The following SLC22A25 variants were observed in gnomAD, a reference collection of about 807,000 sequenced individuals.
SLC22A25 encodes the protein MGI:2442751, MGI:2385316, MGI:3042283, MGI:3645714, MGI:3605624, MGI:2442750.
Under a neutral mutation model 45.9 loss-of-function variants are expected in SLC22A25, and 44 were observed. The ratio of observed to expected loss-of-function variants is 0.96; its 90% CI spans 0.75 to 1.23. SLC22A25 has a LOEUF of 1.23. Ranked by LOEUF, SLC22A25 falls within the 50% of genes most tolerant of loss-of-function variation. SLC22A25 has a pLI of 0.00. For synonymous variants in SLC22A25, 283 were observed against 238.6 expected (o/e 1.19, Z -1.72); for missense variants, 800 against 666.4 (o/e 1.20, Z -2.21).
chr11:63,167,575 T>C (rs112305830), intron 9 of SLC22A25: 4,813 of 152,554 alleles, frequency 0.032, 261 homozygotes, highest in African/African-American at 0.11. Context: ...TGGAACTTAC[T>C]GCAGTGCTGC....
At chr11:63,242,126 A>C (rs757065396) in intron 1 of SLC22A25, among the ~76,000 whole-genome samples, 15 of 152,246 alleles carry the variant, frequency 9.9e-5, no homozygotes, top group Non-Finnish European at 2.2e-4. Context: ...GGGCAGAAAC[A>C]CTGCTAGTTG....
intron 7 of SLC22A25, among the ~76,000 whole-genome samples, chr11:63,206,985 C>T (rs559268478): frequency 2.0e-5 from 3 of 152,292 alleles, no homozygotes; most frequent in Admixed American, 1.3e-4. Context: ...CACACATCCA[C>T]AACCATCTGA....
At chr11:63,231,104 T>C (rs1394543084) in intron 3 of SLC22A25, among the ~76,000 whole-genome samples, 1 of 152,238 alleles carries the variant, frequency 6.6e-6, no homozygotes, top group African/African-American at 2.4e-5. Context: ...AGTGCCACAA[T>C]AAACATACAT....
intron 9 of SLC22A25, among the ~76,000 whole-genome samples, chr11:63,170,116 A>G (rs1333896373): frequency 1.3e-5 from 2 of 152,244 alleles, no homozygotes. Flanking sequence ...TTTGAAACGA[A>G]TGAGAACAAA....
At position 63,230,919 on chromosome 11, in the gene SLC22A25, A is replaced by C. The variant is rs570468795; in HGVS notation, c.-444-823T>G. Among the ~76,000 whole-genome samples the C allele has an allele frequency of 7.9e-5, 12 of 151,790 alleles. No homozygotes were observed. In the East Asian group the frequency reaches 2.3e-3, roughly 30 times the overall value. ...TGCGGTGTTTGGTTTTTTGTCCTTG[A>C]GATAGTTGGTTGAGAAGGATGGTTT... is the stretch of plus-strand genomic sequence containing the variant. On this transcript the variant is annotated intron_variant, in intron 3 of 11. Coordinates refer to ENST00000306494, the MANE Select transcript of SLC22A25 (RefSeq NM_199352.6).
chr11:63,228,562 C>G lies in SLC22A25; in HGVS notation c.405G>C (p.Trp135Cys). ...GTGGTTGAGATTCGCATACCAGATCCCACTGGAAGAAAAGGAAACCCTCAT... is the reference window on the plus strand; with the variant it reads ...GTGGTTGAGATTCGCATACCAGATCGCACTGGAAGAAAAGGAAACCCTCAT... The part of the protein sequence containing the change: ...SSFPSTIVTK[W>C]DLVCESQPLN... The change falls in exon 5 of 12, where the codon TGG (tryptophan) becomes TGC (cysteine). Residue 135 changes from tryptophan (W) to cysteine (C), a missense_variant and splice_region_variant. Trp to Cys is a radical substitution (Grantham distance 215). Transcript: ENST00000306494. 1 of 1,611,580 alleles carries G rather than the reference C, an allele frequency of 6.2e-7. No homozygotes were observed. The highest frequency in any genetic ancestry group is 1.3e-5 in the African/African-American group (1 of 74,804).
At chr11:63,194,504 A>T (rs1237003085) in intron 7 of SLC22A25, among the ~76,000 whole-genome samples, 1 of 152,114 alleles carries the variant, frequency 6.6e-6, no homozygotes, top group Non-Finnish European at 1.5e-5. Flanking sequence ...CTTTACACAC[A>T]AGCAAATGCT....
intron 7 of SLC22A25, among the ~76,000 whole-genome samples, chr11:63,190,444 G>A (rs979795561): frequency 2.0e-5 from 3 of 151,992 alleles, no homozygotes; most frequent in Non-Finnish European, 2.9e-5. Context: ...TTAGCCATTC[G>A]TCTAATTTTT....
intron 3 of SLC22A25, among the ~76,000 whole-genome samples, chr11:63,236,178 A>G (rs920946935): frequency 6.6e-6 from 1 of 152,192 alleles, no homozygotes; most frequent in East Asian, 1.9e-4. Context: ...GCTGTCAGAC[A>G]GGGACATTTA....
In SLC22A25 at chr11:63,213,040, A is replaced by G. The variant is rs116126618; in HGVS notation, c.830+4274T>C. On this transcript the variant is annotated intron_variant, in intron 7 of 11. Transcript: ENST00000306494. Reference sequence around the variant, plus strand: ...TCTGTTTTTGAGAGGTTGGATATCTATGATTCATGGTATCCCAAGGCCAGC... The same window carrying G: ...TCTGTTTTTGAGAGGTTGGATATCTGTGATTCATGGTATCCCAAGGCCAGC... Among the ~76,000 whole-genome samples the G allele has an allele frequency of 4.1e-3, 619 of 152,308 alleles. 5 individuals are homozygous for G. Among genetic ancestry groups the G allele is most frequent in the African/African-American group, 0.015 (603 of 41,570 alleles).
rs575898825 is a variant in SLC22A25 at position 63,188,738 on chromosome 11, A to G, written c.831-4921T>C. Among the ~76,000 whole-genome samples, 26 of 152,142 alleles carry G rather than the reference A, an allele frequency of 1.7e-4. No homozygotes were observed. In the South Asian group the frequency reaches 5.2e-3, roughly 30 times the overall value. ...TTGAATGCGTCCCAGAGATTCTGGT[A>G]TGTTGTGTCTTTGTTCTCGTTGGCT... On this transcript the variant is annotated intron_variant, in intron 7 of 11. Coordinates refer to ENST00000306494, the MANE Select transcript of SLC22A25 (RefSeq NM_199352.6).
chr11:63,183,574 G>T, intron 8 of SLC22A25, 120 bp downstream of exon 8: 1 of 1,273,912 alleles, frequency 7.8e-7, no homozygotes, highest in Non-Finnish European at 1.1e-6. Context: ...TGATCGTGAG[G>T]TGAGATGACC....
intron 7 of SLC22A25, among the ~76,000 whole-genome samples, chr11:63,209,457 T>C (rs1434355742): frequency 6.6e-6 from 1 of 152,014 alleles, no homozygotes; most frequent in Non-Finnish European, 1.5e-5. Context: ...GTCAGGAGCA[T>C]CTGGAGAGTC....
intron 9 of SLC22A25, among the ~76,000 whole-genome samples, chr11:63,178,932 T>G (rs1452665399): frequency 6.6e-6 from 1 of 151,978 alleles, no homozygotes; most frequent in Non-Finnish European, 1.5e-5. Flanking sequence ...CTTCTAGTAT[T>G]ATCATAGTTT....
chr11:63,186,302 GA>G (rs1173989211), intron 7 of SLC22A25, among the ~76,000 whole-genome samples: 1 of 150,874 alleles, frequency 6.6e-6, no homozygotes, highest in Non-Finnish European at 1.5e-5. Flanking sequence ...CAGTGATTAT[GA>G]GCATTTTTTC....
At chr11:63,212,064 A>G (rs1472682168) in intron 7 of SLC22A25, among the ~76,000 whole-genome samples, 4 of 152,252 alleles carry the variant, frequency 2.6e-5, no homozygotes, top group Non-Finnish European at 5.9e-5. Context: ...GACACACGAA[A>G]AAATGCTCAT....
chr11:63,161,542 C>T lies in SLC22A25; in HGVS notation c.*2282G>A, dbSNP rs2087533358. ...ACTGAATCATGGGGGTGAGTGTTTC[C>T]CATGCTCTTCCTATGATAGTGAATA... On this transcript the variant is annotated 3_prime_UTR_variant, in exon 12 of 12. Coordinates refer to ENST00000306494, the MANE Select transcript of SLC22A25 (RefSeq NM_199352.6). 6.6e-6 allele frequency among the ~76,000 whole-genome samples: 1 copy of T among 152,040 alleles called. No homozygotes were observed. The highest frequency in any genetic ancestry group is 1.5e-5 in the Non-Finnish European group (1 of 67,990).
intron 7 of SLC22A25, among the ~76,000 whole-genome samples, chr11:63,191,099 C>T (rs868650420): frequency 8.5e-5 from 13 of 152,178 alleles, no homozygotes; most frequent in South Asian, 2.1e-4. Flanking sequence ...TTTAAGTCTG[C>T]GGAGTTTTCT....
rs186970815 is a variant in SLC22A25 at position 63,159,085 on chromosome 11, C to T, written c.*4739G>A. Among the ~76,000 whole-genome samples, 8 of 152,240 alleles carry T rather than the reference C, an allele frequency of 5.3e-5. No homozygotes were observed. Among genetic ancestry groups the T allele is most frequent in the Admixed American group, 3.3e-4 (5 of 15,280 alleles). On this transcript the variant is annotated 3_prime_UTR_variant, in exon 12 of 12. Transcript: ENST00000306494. ...TCCATGTTGCTGCAAATGACAGGAT[C>T]TCATTCTTTATTTTATGGCTGAATA...
Sources: allele counts gnomAD v4.1 joint callset (sites outside exome capture counted in the v4.1 genomes callset), GRCh38; gene constraint gnomAD v4.1.1; transcripts MANE v1.5; gene names NCBI Gene and HGNC (gene_info 2026-07-23, HGNC 2026-07-21).